Variants in AGFG1 observed in about 807,000 individuals in gnomAD.
AGFG1 encodes the protein ArfGAP with FG repeats 1, also known as arf-GAP domain and FG repeat-containing protein 1.
A neutral mutation model predicts 60.6 loss-of-function variants in AGFG1; 10 were observed. The ratio of observed to expected loss-of-function variants is 0.16; its 90% CI spans 0.10 to 0.28. The LOEUF (loss-of-function observed/expected upper bound fraction) is 0.28. AGFG1 is among the 10% of genes least tolerant of loss of function. AGFG1 has a pLI of 1.00. For synonymous variants in AGFG1, 247 were observed against 242.9 expected (o/e 1.02, Z -0.16); for missense variants, 537 against 676.5 (o/e 0.79, Z 2.29).
intron 2 of AGFG1, among the ~76,000 whole-genome samples, chr2:227,512,403 C>A (rs7584381): frequency 2.0e-5 from 3 of 152,068 alleles, no homozygotes; most frequent in Admixed American, 2.0e-4. Flanking sequence ...ATGTGTCAGT[C>A]AGAAATACTA....
chr2:227,537,014 A>T, intron 10 of AGFG1, 21 bp downstream of exon 10: 3 of 1,596,882 alleles, frequency 1.9e-6, no homozygotes, highest in Non-Finnish European at 2.6e-6. Flanking sequence ...GAGACAGTGG[A>T]ACAGTAAGTT....
In AGFG1 at chr2:227,531,131, A is replaced by G; in HGVS notation, c.735A>G (p.Ala245=). 1 of 1,613,652 alleles carries G rather than the reference A, an allele frequency of 6.2e-7. No homozygotes were observed. The highest frequency in any genetic ancestry group is 8.5e-7 in the Non-Finnish European group (1 of 1,179,678). The change falls in exon 6 of 13, where the codon GCA becomes GCG. Residue 245 remains alanine (A), a synonymous_variant. Coordinates refer to ENST00000310078, the MANE Select transcript of AGFG1 (RefSeq NM_004504.5). ...SANADFANFD[A]FGQSSGSSNF... ...ATGCAGATTTTGCAAACTTTGATGC[A>G]TTTGGACAGTCTAGTGGTTCGAGTA...
At chr2:227,544,003 C>CT (rs1331271316) in intron 10 of AGFG1, among the ~76,000 whole-genome samples, 2 of 151,864 alleles carry the variant, frequency 1.3e-5, no homozygotes, top group Admixed American at 6.6e-5. Flanking sequence ...GCAACCTCTG[C>CT]TTTTTTTTGT....
intron 10 of AGFG1, among the ~76,000 whole-genome samples, chr2:227,550,822 T>G (rs1010643199): frequency 1.3e-5 from 2 of 152,174 alleles, no homozygotes; most frequent in African/African-American, 4.8e-5. Context: ...ATGAACAAAT[T>G]GGTAAATTTG....
chr2:227,501,273 G>A lies in AGFG1; in HGVS notation c.261+9633G>A, dbSNP rs541166662. Among the ~76,000 whole-genome samples the A allele has an allele frequency of 1.4e-4, 22 of 152,200 alleles. No homozygotes were observed. The South Asian group carries it at 4.4e-3, about 30-fold the overall frequency. On this transcript the variant is annotated intron_variant, in intron 2 of 12. Coordinates refer to ENST00000310078, the MANE Select transcript of AGFG1 (RefSeq NM_004504.5). ...TTTTTGTATTTTTAGTAGAGATGGGGTTTTGCCATGTTGGCCAGGATGGTC... is the reference window on the plus strand; with the variant it reads ...TTTTTGTATTTTTAGTAGAGATGGGATTTTGCCATGTTGGCCAGGATGGTC...
intron 1 of AGFG1, among the ~76,000 whole-genome samples, chr2:227,480,630 A>C (rs1443317357): frequency 6.6e-6 from 1 of 150,502 alleles, no homozygotes; most frequent in Non-Finnish European, 1.5e-5. Context: ...TACTTTTATA[A>C]TCTTCTGCTC....
At position 227,552,102 on chromosome 2, in the gene AGFG1, T is replaced by C; in HGVS notation, c.1522T>C (p.Ser508Pro). 1 of 1,614,218 alleles carries C rather than the reference T, an allele frequency of 6.2e-7. No homozygotes were observed. Among genetic ancestry groups the C allele is most frequent in the Non-Finnish European group, 8.5e-7 (1 of 1,180,030 alleles). Residue 508 changes from serine to proline, a missense_variant, in exon 11 of 13, where the codon TCT (serine) becomes CCT (proline). Ser to Pro is a moderately conservative substitution (Grantham distance 74). Coordinates refer to ENST00000310078, the MANE Select transcript of AGFG1 (RefSeq NM_004504.5). ...QAAFPQQTAF[S>P]QQPNGAGFAA... ...AGCTTTCCCTCAACAGACAGCTTTT[T>C]CTCAACAGCCCAATGGTAAGATCTA... is the stretch of plus-strand genomic sequence containing the variant.
At chr2:227,505,125 T>TCA (rs1691271556) in intron 2 of AGFG1, among the ~76,000 whole-genome samples, 1 of 152,254 alleles carries the variant, frequency 6.6e-6, no homozygotes, top group African/African-American at 2.4e-5. Flanking sequence ...AATTATTATG[T>TCA]CTTCTTGATT....
chr2:227,514,453 C>G (rs190113211), intron 2 of AGFG1, among the ~76,000 whole-genome samples: 124 of 152,192 alleles, frequency 8.1e-4, no homozygotes, highest in African/African-American at 2.9e-3. Flanking sequence ...CCTGACCCCG[C>G]AAAGTGCTGG....
Position 227,519,468 on chromosome 2 carries a change from A to G in AGFG1, c.262-480A>G, listed in dbSNP as rs550538056. Among the ~76,000 whole-genome samples the G allele has an allele frequency of 3.3e-5, 5 of 152,304 alleles. No individual in the cohort carries two copies. The East Asian group carries it at 7.7e-4, about 23-fold the overall frequency. On this transcript the variant is annotated intron_variant, in intron 2 of 12. Coordinates refer to ENST00000310078, the MANE Select transcript of AGFG1 (RefSeq NM_004504.5). The stretch of plus-strand genomic sequence containing the variant: ...TTTTTAGCTATTGGACCAAAAATGC[A>G]TAGGAGACAGCTATAAAGCTAATAG...
At chr2:227,518,469 G>A (rs10185822) in intron 2 of AGFG1, among the ~76,000 whole-genome samples, 124,479 of 151,036 alleles carry the variant, frequency 0.82, 51,288 homozygotes, top group South Asian at 0.89. Flanking sequence ...CTTTGTTTTC[G>A]GCTTTTCTAG....
rs910180948 is a variant in AGFG1 at position 227,557,680 on chromosome 2, A to T, written c.*3185A>T. 2 of 152,208 alleles carry T rather than the reference A, an allele frequency of 1.3e-5. No individual in the cohort carries two copies. Among genetic ancestry groups the T allele is most frequent in the African/African-American group, 4.8e-5 (2 of 41,450 alleles). 9.4% of individuals were successfully genotyped at this position (152,208 alleles called of 1,614,324 possible). A position where few individuals can be genotyped will look rare whatever the true frequency, so the allele number is the denominator to read the frequency against. ...TAAAAATAACTTTTCCAAAACAAAAACTAATGAGAACAGGAACATTGTTTT... is the reference window on the plus strand; with the variant it reads ...TAAAAATAACTTTTCCAAAACAAAATCTAATGAGAACAGGAACATTGTTTT... On this transcript the variant is annotated 3_prime_UTR_variant, in exon 13 of 13. Transcript: ENST00000310078.
intron 5 of AGFG1, among the ~76,000 whole-genome samples, chr2:227,527,914 C>A (rs6436700): frequency 6.6e-6 from 1 of 152,062 alleles, no homozygotes; most frequent in South Asian, 2.1e-4. Context: ...GAATCCAGTG[C>A]TGATAGAATG....
At chr2:227,551,280 G>A (rs1289416715) in intron 10 of AGFG1, among the ~76,000 whole-genome samples, 2 of 152,030 alleles carry the variant, frequency 1.3e-5, no homozygotes, top group African/African-American at 2.4e-5. Flanking sequence ...CTTCAGTCTC[G>A]CAAAGCTGTC....
intron 10 of AGFG1, among the ~76,000 whole-genome samples, chr2:227,543,870 T>C (rs1002003836): frequency 6.6e-6 from 1 of 152,148 alleles, no homozygotes; most frequent in Admixed American, 6.5e-5. Flanking sequence ...TTAGGATAGT[T>C]AGCTCTTCTT....
intron 2 of AGFG1, among the ~76,000 whole-genome samples, chr2:227,500,976 TAG>T (rs1691136887): frequency 6.6e-6 from 1 of 152,012 alleles, no homozygotes; most frequent in Non-Finnish European, 1.5e-5. Flanking sequence ...GTGTTTTTAG[TAG>T]AGACGAGGGT....
chr2:227,484,468 C>T (rs770019166), intron 1 of AGFG1, among the ~76,000 whole-genome samples: 12 of 152,134 alleles, frequency 7.9e-5, no homozygotes, highest in South Asian at 2.1e-4. Context: ...TGTGAGCCAC[C>T]GCGCCTGGCT....
Position 227,554,522 on chromosome 2 carries a change from A to G in AGFG1, c.*27A>G, listed in dbSNP as rs1181289261. 1 of 1,581,512 alleles carries G rather than the reference A, an allele frequency of 6.3e-7. No homozygotes were observed. The highest frequency in any genetic ancestry group is 1.7e-5 in the Admixed American group (1 of 58,982). ...CTTATATAGACAATTTACTGGAACG[A>G]ACTTTTATGTGGTCACATTACATCT... On this transcript the variant is annotated 3_prime_UTR_variant, in exon 13 of 13. Coordinates refer to ENST00000310078, the MANE Select transcript of AGFG1 (RefSeq NM_004504.5).
In AGFG1 at chr2:227,552,003, G is replaced by C; in HGVS notation, c.1423G>C (p.Gly475Arg). 1 of 1,614,094 alleles carries C rather than the reference G, an allele frequency of 6.2e-7. No individual in the cohort carries two copies. The highest frequency in any genetic ancestry group is 2.2e-5 in the East Asian group (1 of 44,882). Residue 475 changes from glycine to arginine, a missense_variant, in exon 11 of 13, where the codon GGC (glycine) becomes CGC (arginine). Transcript: ENST00000310078. ...ATCCATGAGCATGCCCACAGGATTCGGCACTCCTGCTCCCTACAGTCTTCC... is the reference window on the plus strand; with the variant it reads ...ATCCATGAGCATGCCCACAGGATTCCGCACTCCTGCTCCCTACAGTCTTCC... ...TASMSMPTGF[G>R]TPAPYSLPTS... is the part of the protein sequence containing the mutation.
Sources: gnomAD v4.1 joint callset for allele counts (sites outside exome capture counted in the v4.1 genomes callset) on GRCh38, gnomAD v4.1.1 for gene constraint, MANE v1.5 for transcripts, NCBI Gene and HGNC (gene_info 2026-07-23, HGNC 2026-07-21) for gene names.